The following SUSD5 variants were observed in gnomAD, a reference collection of about 807,000 sequenced individuals.
SUSD5 encodes sushi domain containing 5.
SUSD5 carries 33 observed loss-of-function variants against 29.5 expected under a neutral mutation model. The observed-to-expected ratio is 1.12, with a 90% CI of 0.85 to 1.49. The LOEUF (loss-of-function observed/expected upper bound fraction) is 1.49. Ranked by LOEUF, SUSD5 falls within the 40% of genes most tolerant of loss-of-function variation. The pLI is 0.00. For synonymous variants in SUSD5, 308 were observed against 325.3 expected (o/e 0.95, Z 0.57); for missense variants, 776 against 800.6 (o/e 0.97, Z 0.37).
Position 33,166,351 on chromosome 3 carries a change from A to G in SUSD5, c.598+8535T>C, listed in dbSNP as rs551185223. Among the ~76,000 whole-genome samples, 5 of 152,336 alleles carry G rather than the reference A, an allele frequency of 3.3e-5. No homozygotes were observed. In the East Asian group the frequency reaches 9.6e-4, roughly 29 times the overall value. On this transcript the variant is annotated intron_variant, in intron 4 of 4. Transcript: ENST00000309558. Reference sequence around the variant, plus strand: ...AATGAAAGGTATATATGATATAGGGATTGGGTAAAGATACCTTAGAAACAC... The same window carrying G: ...AATGAAAGGTATATATGATATAGGGGTTGGGTAAAGATACCTTAGAAACAC...
chr3:33,160,299 C>A (rs1431903653), intron 4 of SUSD5, among the ~76,000 whole-genome samples: 1 of 151,088 alleles, frequency 6.6e-6, no homozygotes, highest in Non-Finnish European at 1.5e-5. Flanking sequence ...TAAAAACAAA[C>A]AAATAAACAA....
chr3:33,153,391 A>G lies in SUSD5; in HGVS notation c.1241T>C (p.Leu414Pro), dbSNP rs769458434. 11 of 1,613,878 alleles carry G rather than the reference A, an allele frequency of 6.8e-6. No individual in the cohort carries two copies. The Admixed American group carries it at 1.2e-4, about 17-fold the overall frequency. Residue 414 changes from leucine (L) to proline (P), a missense_variant, in exon 5 of 5, where the codon CTT becomes CCT. By Grantham distance (98) the Leu-to-Pro change is moderately conservative. Coordinates refer to ENST00000309558, the MANE Select transcript of SUSD5 (RefSeq NM_015551.2). ...ACTCTTGGGCTTCTTAACTTCCACAAGAATGGGCTGATCAGGAGTAACTAG... is the reference window on the plus strand; with the variant it reads ...ACTCTTGGGCTTCTTAACTTCCACAGGAATGGGCTGATCAGGAGTAACTAG... The part of the protein sequence containing the change: ...NVLVTPDQPI[L>P]VEVKKPKSST...
rs767954264 is a variant in SUSD5 at position 33,153,412 on chromosome 3, A to C, written c.1220T>G (p.Val407Gly). 5 of 1,613,850 alleles carry C rather than the reference A, an allele frequency of 3.1e-6. No homozygotes were observed. In the East Asian group the frequency reaches 1.1e-4, roughly 36 times the overall value. Reference sequence around the variant, plus strand: ...CACAAGAATGGGCTGATCAGGAGTAACTAGGACGTTTTCATCCAGCCCTAC... The same window carrying C: ...CACAAGAATGGGCTGATCAGGAGTACCTAGGACGTTTTCATCCAGCCCTAC... Reference protein sequence around the residue: ...GSVGLDENVLVTPDQPILVEV... With the variant: ...GSVGLDENVLGTPDQPILVEV... Residue 407 changes from valine to glycine, a missense_variant, in exon 5 of 5, where the codon GTT becomes GGT. Physicochemically the swap from Val to Gly is moderately radical, Grantham distance 109. Coordinates refer to ENST00000309558, the MANE Select transcript of SUSD5 (RefSeq NM_015551.2).
Position 33,152,975 on chromosome 3 carries a change from C to T in SUSD5, c.1657G>A (p.Glu553Lys), listed in dbSNP as rs1285524268. The change falls in exon 5 of 5, where the codon GAG becomes AAG. Residue 553 changes from glutamate (E) to lysine (K), a missense_variant. Coordinates refer to ENST00000309558, the MANE Select transcript of SUSD5 (RefSeq NM_015551.2). ...GQEGPGPGAS[E>K]ELHPTLESCV... is the part of the protein sequence containing the mutation. ...GACTCCAAGGTGGGATGAAGCTCCT[C>T]ACTTGCACCTGGCCCGGGGCCTTCC... 3 of 1,613,874 alleles carry T rather than the reference C, an allele frequency of 1.9e-6. No individual in the cohort carries two copies. Among genetic ancestry groups the T allele is most frequent in the Non-Finnish European group, 2.5e-6 (3 of 1,179,880 alleles).
intron 4 of SUSD5, among the ~76,000 whole-genome samples, chr3:33,173,225 T>C (rs1275919789): frequency 6.6e-6 from 1 of 152,208 alleles, no homozygotes; most frequent in Non-Finnish European, 1.5e-5. Context: ...CTGGCAGTCC[T>C]AAAGCTGATG....
chr3:33,201,713 C>T (rs146704745), intron 3 of SUSD5, among the ~76,000 whole-genome samples: 13 of 152,240 alleles, frequency 8.5e-5, no homozygotes, highest in African/African-American at 3.1e-4. Flanking sequence ...CTCAGGCCTA[C>T]CCAACAGCTA....
At chr3:33,184,398 G>T (rs1210469766) in intron 3 of SUSD5, among the ~76,000 whole-genome samples, 1 of 152,066 alleles carries the variant, frequency 6.6e-6, no homozygotes, top group Non-Finnish European at 1.5e-5. Flanking sequence ...ATATGCCAGG[G>T]TGTAGTTTTT....
At chr3:33,202,648 C>A (rs1174574956) in intron 3 of SUSD5, among the ~76,000 whole-genome samples, 1 of 152,116 alleles carries the variant, frequency 6.6e-6, no homozygotes, top group Non-Finnish European at 1.5e-5. Context: ...AAGCTGCAGA[C>A]CCCACAGACA....
At chr3:33,213,495 A>G (rs528424832) in intron 2 of SUSD5, among the ~76,000 whole-genome samples, 1 of 152,318 alleles carries the variant, frequency 6.6e-6, no homozygotes, top group East Asian at 1.9e-4. Context: ...AGTAAACTCA[A>G]ACATGAACAC....
intron 2 of SUSD5, among the ~76,000 whole-genome samples, chr3:33,209,706 A>G (rs1361372137): frequency 7.1e-6 from 1 of 141,452 alleles, no homozygotes; most frequent in African/African-American, 2.7e-5. Flanking sequence ...AGGTCTCACT[A>G]TGATGTCTAG....
intron 4 of SUSD5, among the ~76,000 whole-genome samples, chr3:33,155,165 T>A (rs575074235): frequency 1.3e-5 from 2 of 152,324 alleles, no homozygotes; most frequent in East Asian, 3.9e-4. Context: ...AGAGAAGCTA[T>A]CTGCAACACA....
At chr3:33,192,990 A>C (rs2031925903) in intron 3 of SUSD5, among the ~76,000 whole-genome samples, 1 of 105,760 alleles carries the variant, frequency 9.5e-6, no homozygotes, top group African/African-American at 3.3e-5. Flanking sequence ...AGTCTTTTGC[A>C]CTGAAGTACT....
intron 3 of SUSD5, among the ~76,000 whole-genome samples, chr3:33,186,162 C>T (rs950322298): frequency 1.3e-5 from 2 of 151,732 alleles, no homozygotes; most frequent in Non-Finnish European, 2.9e-5. Flanking sequence ...ATTAGCTGGG[C>T]GTGGTGGCAG....
chr3:33,150,380 G>C lies in SUSD5; in HGVS notation c.*2362C>G, dbSNP rs2030843671. 1 of 152,014 alleles carries C rather than the reference G, an allele frequency of 6.6e-6. No individual in the cohort carries two copies. The highest frequency in any genetic ancestry group is 1.5e-5 in the Non-Finnish European group (1 of 67,994). 9.4% of individuals were successfully genotyped at this position (152,014 alleles called of 1,614,324 possible). ...TTTGTAATAAATTTATTAATACACTGTATTAATATTGCCTATTTGTTGGTA... is the reference window on the plus strand; with the variant it reads ...TTTGTAATAAATTTATTAATACACTCTATTAATATTGCCTATTTGTTGGTA... On this transcript the variant is annotated 3_prime_UTR_variant, in exon 5 of 5. Coordinates refer to ENST00000309558, the MANE Select transcript of SUSD5 (RefSeq NM_015551.2).
At chr3:33,170,962 T>C (rs1575531478) in intron 4 of SUSD5, among the ~76,000 whole-genome samples, 1 of 152,232 alleles carries the variant, frequency 6.6e-6, no homozygotes, top group Non-Finnish European at 1.5e-5. Context: ...CCCCATACTA[T>C]ATTATAGGTC....
At chr3:33,184,032 G>T (rs539059722) in intron 3 of SUSD5, among the ~76,000 whole-genome samples, 1 of 144,450 alleles carries the variant, frequency 6.9e-6, no homozygotes, top group African/African-American at 2.6e-5. Flanking sequence ...CCACCTCCTG[G>T]GTTTAAGCGA....
At chr3:33,158,094 G>C (rs1292601896) in intron 4 of SUSD5, among the ~76,000 whole-genome samples, 1 of 152,194 alleles carries the variant, frequency 6.6e-6, no homozygotes, top group Admixed American at 6.5e-5. Context: ...GTTCTGGAAG[G>C]AAAACAAGGA....
Position 33,203,377 on chromosome 3 carries a change from T to C in SUSD5, c.409+4431A>G, listed in dbSNP as rs371459186. On this transcript the variant is annotated intron_variant, in intron 3 of 4. Coordinates refer to ENST00000309558, the MANE Select transcript of SUSD5 (RefSeq NM_015551.2). The stretch of plus-strand genomic sequence containing the variant: ...TGCCATCTCTGCATGCATTCCTGCA[T>C]CCTCTTCATGGCTCACCTGAAGCTT... Among the ~76,000 whole-genome samples, 21 of 152,256 alleles carry C rather than the reference T, an allele frequency of 1.4e-4. No individual in the cohort carries two copies. The East Asian group carries it at 2.7e-3, about 20-fold the overall frequency.
intron 3 of SUSD5, among the ~76,000 whole-genome samples, chr3:33,176,711 C>A (rs2031558419): frequency 6.6e-6 from 1 of 152,196 alleles, no homozygotes. Flanking sequence ...TAACTTCTAG[C>A]AGTCTTACAG....
Sources: allele counts gnomAD v4.1 joint callset (sites outside exome capture counted in the v4.1 genomes callset), GRCh38; gene constraint gnomAD v4.1.1; transcripts MANE v1.5; gene names NCBI Gene and HGNC (gene_info 2026-07-23, HGNC 2026-07-21).